The following NFATC1 variants were observed in gnomAD, a reference collection of about 807,000 sequenced individuals.
NFATC1 encodes the protein nuclear factor of activated T-cells, cytoplasmic 1.
NFATC1 carries 22 observed loss-of-function variants against 76.0 expected under a neutral mutation model. The ratio of observed to expected loss-of-function variants is 0.29; its 90% CI spans 0.21 to 0.41. The LOEUF is 0.41. NFATC1 is among the 10% of genes least tolerant of loss of function. NFATC1 has a pLI of 1.00. For missense variants in NFATC1, 1,357 were observed against 1,337.7 expected, an observed-to-expected ratio of 1.01 and a Z score of -0.23; for synonymous variants, 704 against 613.1, an observed-to-expected ratio of 1.15 and a Z score of -2.19.
intron 9 of NFATC1, among the ~76,000 whole-genome samples, chr18:79,521,378 A>G (rs1053215475): frequency 5.7e-4 from 21 of 36,846 alleles, no homozygotes; most frequent in African/African-American, 7.1e-4. Flanking sequence ...GTGTGTGGGG[A>G]GCATCCACTG....
At position 79,525,024 on chromosome 18, in the gene NFATC1, TCA is replaced by T. The variant is rs1452613807; in HGVS notation, c.2783-2503_2783-2502del. 8.2e-3 allele frequency among the ~76,000 whole-genome samples: 1,013 copies of T among 123,484 alleles called. 53 individuals are homozygous for T. The highest frequency in any genetic ancestry group is 0.017 in the Admixed American group (215 of 12,910). 81.0% of individuals were successfully genotyped at this position (123,484 alleles called of 152,430 possible). A position where few individuals can be genotyped will look rare whatever the true frequency, so the allele number is the denominator to read the frequency against. Reference sequence around the variant, plus strand: ...CCCCACATCCCATCATTACTACCCCTCAGGCCTCCCCACGTCCCACCGTCGTT... The same window carrying T: ...CCCCACATCCCATCATTACTACCCCTGGCCTCCCCACGTCCCACCGTCGTT... On this transcript the variant is annotated intron_variant, in intron 9 of 9. Transcript: ENST00000427363.
intron 9 of NFATC1, 134 bp downstream of exon 9, chr18:79,487,071 T>G (rs768025620): frequency 4.7e-6 from 5 of 1,055,134 alleles, no homozygotes; most frequent in Non-Finnish European, 5.3e-6. Flanking sequence ...GTGGGGTGCG[T>G]CCTCCTGATA....
At position 79,410,757 on chromosome 18, in the gene NFATC1, G is replaced by A; in HGVS notation, c.482G>A (p.Ser161Asn). The A allele has an allele frequency of 6.2e-7, 1 of 1,612,988 alleles. No homozygotes were observed. The highest frequency in any genetic ancestry group is 2.2e-5 in the East Asian group (1 of 44,866). Residue 161 changes from serine to asparagine, a missense_variant, in exon 2 of 10, where the codon AGC becomes AAC. By Grantham distance (46) the Ser-to-Asn change is conservative (BLOSUM62 1). Around this residue, in one of 3 missense-constraint regions of NFATC1, gnomAD observed 691 missense variants for 613.1 expected, o/e 1.13. Transcript: ENST00000427363. The surrounding 1 kb of genome is among the most constrained non-coding windows in gnomAD (Gnocchi z 6.7). ...SPSTATLSLPSLEAYRDPSCL... is the reference protein window; with the variant it reads ...SPSTATLSLPNLEAYRDPSCL... ...TCCACGGCCACGCTGAGTCTGCCCA[G>A]CCTGGAGGCCTACAGAGACCCCTCG... is the stretch of plus-strand genomic sequence containing the variant.
chr18:79,412,860 T>G (rs8089805), intron 2 of NFATC1, among the ~76,000 whole-genome samples: 12,214 of 152,252 alleles, frequency 0.08, 694 homozygotes, highest in Non-Finnish European at 0.11. Context: ...TGACTTGCAG[T>G]GGGCGCATTT....
In NFATC1 at chr18:79,410,253, CG is replaced by C; in HGVS notation, c.128-148del. On this transcript the variant is annotated intron_variant, in intron 1 of 9. Transcript: ENST00000427363. This position sits in a 1 kb window ranked among gnomAD's most constrained non-coding sequence, Gnocchi z 6.7. ...TCACTCCAAGTCGCCCGGAGCTGTC[CG>C]GCAGCGTGGTCTCAGGGACGTTTGC... 1 of 1,306,340 alleles carries C rather than the reference CG, an allele frequency of 7.7e-7. No individual in the cohort carries two copies. Among genetic ancestry groups the C allele is most frequent in the Non-Finnish European group, 1.1e-6 (1 of 949,008 alleles). 80.9% of individuals were successfully genotyped at this position (1,306,340 alleles called of 1,614,324 possible). A position where few individuals can be genotyped will look rare whatever the true frequency, so the allele number is the denominator to read the frequency against.
chr18:79,425,261 G>GCCTCTGTCTCTCTGTT (rs2086281782), intron 2 of NFATC1, among the ~76,000 whole-genome samples: 1 of 120,754 alleles, frequency 8.3e-6, no homozygotes, highest in African/African-American at 3.6e-5. Context: ...TTCTCTCCCT[G>GCCTCTGTCTCTCTGTT]TCTCTGTCTC....
At chr18:79,427,569 G>C in intron 2 of NFATC1, among the ~76,000 whole-genome samples, 1 of 133,648 alleles carries the variant, frequency 7.5e-6, no homozygotes. Context: ...TCTGTGCAGT[G>C]GGTCGGGGGG....
chr18:79,460,532 A>G, intron 6 of NFATC1, among the ~76,000 whole-genome samples: 1 of 152,326 alleles, frequency 6.6e-6, no homozygotes, highest in Admixed American at 6.5e-5. Flanking sequence ...AGAGAGCACA[A>G]CGCGTCCTTT....
At chr18:79,464,696 T>A (rs8089886) in intron 7 of NFATC1, among the ~76,000 whole-genome samples, 16,135 of 94,330 alleles carry the variant, frequency 0.17, 2,426 homozygotes, top group African/African-American at 0.37. Context: ...ATATATATAT[T>A]TATTTATTTA....
At chr18:79,405,354 G>T (rs543910546) in intron 1 of NFATC1, among the ~76,000 whole-genome samples, 1 of 152,370 alleles carries the variant, frequency 6.6e-6, no homozygotes, top group African/African-American at 2.4e-5. Flanking sequence ...AGGGAGTGGG[G>T]TCACCGAGCT....
At position 79,527,516 on chromosome 18, in the gene NFATC1, C is replaced by G. The variant is rs964538844; in HGVS notation, c.2783-12C>G. On this transcript the variant is annotated splice_polypyrimidine_tract_variant and intron_variant, in intron 9 of 9. Coordinates refer to ENST00000427363, the MANE Select transcript of NFATC1 (RefSeq NM_001278669.2). ...TTTCTCTAATACTTTCTCAATTTTT[C>G]TTTTCTTACAGTAAATGAAATAATA... 6.2e-7 allele frequency: 1 copy of G among 1,612,208 alleles called. No homozygotes were observed.
intron 2 of NFATC1, among the ~76,000 whole-genome samples, chr18:79,414,190 T>TA (rs1464060223): frequency 4.7e-4 from 72 of 152,316 alleles, no homozygotes; most frequent in Non-Finnish European, 1.5e-5. Flanking sequence ...TCCCCAGGAA[T>TA]GCCTCTCCGT....
chr18:79,468,149 C>T (rs2088614673), intron 8 of NFATC1: 1 of 192,784 alleles, frequency 5.2e-6, no homozygotes, highest in Admixed American at 6.5e-5. Context: ...CCCTCACCCG[C>T]CGTGGGAATG....
Position 79,433,668 on chromosome 18 carries a change from G to A in NFATC1, c.1316G>A (p.Arg439Gln), listed in dbSNP as rs775039112. 1 of 1,613,166 alleles carries A rather than the reference G, an allele frequency of 6.2e-7. No homozygotes were observed. The highest frequency in any genetic ancestry group is 8.5e-7 in the Non-Finnish European group (1 of 1,179,954). Reference protein sequence around the residue: ...RIEVQPKSHHRAHYETEGSRG... With the variant: ...RIEVQPKSHHQAHYETEGSRG... ...GAGGTGCAGCCCAAGTCCCACCACC[G>A]AGCCCACTACGAGACGGAGGGCAGC... The change falls in exon 3 of 10, where the codon CGA becomes CAA. Residue 439 changes from arginine (R) to glutamine (Q), a missense_variant. Arg to Gln is a conservative substitution (Grantham distance 43). Around this residue, in one of 3 missense-constraint regions of NFATC1, gnomAD observed 242 missense variants for 329.2 expected, o/e 0.74. Coordinates refer to ENST00000427363, the MANE Select transcript of NFATC1 (RefSeq NM_001278669.2).
chr18:79,405,270 G>A (rs2085396363), intron 1 of NFATC1, among the ~76,000 whole-genome samples: 1 of 152,224 alleles, frequency 6.6e-6, no homozygotes, highest in Non-Finnish European at 1.5e-5. Flanking sequence ...GAATCCAGCT[G>A]TCTCCCTGCT....
At chr18:79,428,804 C>T (rs1010697302) in intron 2 of NFATC1, among the ~76,000 whole-genome samples, 1 of 151,990 alleles carries the variant, frequency 6.6e-6, no homozygotes, top group Non-Finnish European at 1.5e-5. Context: ...ATCACACCCT[C>T]TAGCCTAGGC....
chr18:79,476,841 G>A (rs1170754716), intron 8 of NFATC1, among the ~76,000 whole-genome samples: 1 of 152,238 alleles, frequency 6.6e-6, no homozygotes, highest in East Asian at 1.9e-4. Context: ...GTGCATGGTT[G>A]GAATACTCAC....
chr18:79,442,280 C>T (rs1001100426), intron 3 of NFATC1, among the ~76,000 whole-genome samples: 9 of 152,346 alleles, frequency 5.9e-5, no homozygotes, highest in South Asian at 4.1e-4. Context: ...CAGGTGTGGC[C>T]GGGCGGCCTT....
chr18:79,467,649 G>A (rs763511559), intron 8 of NFATC1, 67 bp downstream of exon 8: 10 of 1,597,572 alleles, frequency 6.3e-6, no homozygotes, highest in Non-Finnish European at 8.6e-6. Flanking sequence ...TAAAGACGCA[G>A]AAACGACGTC....
Sources: allele counts gnomAD v4.1 joint callset (sites outside exome capture counted in the v4.1 genomes callset), GRCh38; gene constraint gnomAD v4.1.1; regional missense constraint gnomAD v4.1.1; non-coding constraint Gnocchi (gnomAD v3.1); transcripts MANE v1.5; gene names NCBI Gene and HGNC (gene_info 2026-07-23, HGNC 2026-07-21).